Variants in VWC2L observed in about 807,000 individuals in gnomAD.
VWC2L encodes the protein von Willebrand factor C domain containing 2 like, also known as von Willebrand factor C domain-containing protein 2-like.
In VWC2L, 10 loss-of-function variants were observed where a neutral mutation model predicts 21.6. That is an observed-to-expected ratio of 0.46 (90% CI 0.29 to 0.78). The LOEUF (loss-of-function observed/expected upper bound fraction) is 0.78, where lower values mean the gene tolerates loss of function less well. Ranked by LOEUF, VWC2L falls within the 30% of genes least tolerant of loss-of-function variation. The probability of loss-of-function intolerance (pLI) is 0.10; values close to 1 mark genes in which losing one functional copy is unlikely to be tolerated. For synonymous variants in VWC2L, 96 were observed against 94.3 expected (o/e 1.02, Z -0.10); for missense variants, 209 against 277.1 (o/e 0.75, Z 1.74).
chr2:214,514,699 T>C (rs1256675034), intron 3 of VWC2L, among the ~76,000 whole-genome samples: 1 of 152,230 alleles, frequency 6.6e-6, no homozygotes, highest in Non-Finnish European at 1.5e-5. Context: ...AACAGCCCAC[T>C]ATCTAATGAT....
intron 3 of VWC2L, among the ~76,000 whole-genome samples, chr2:214,471,706 T>C (rs536980211): frequency 6.6e-6 from 1 of 152,322 alleles, no homozygotes; most frequent in Admixed American, 6.5e-5. Flanking sequence ...AGTAATAAAC[T>C]CTATTAACAA....
At chr2:214,448,447 CAGA>C (rs975481326) in intron 3 of VWC2L, among the ~76,000 whole-genome samples, 19 of 152,116 alleles carry the variant, frequency 1.2e-4, no homozygotes, top group African/African-American at 4.3e-4. Flanking sequence ...AGGTGCTTCT[CAGA>C]AGATTACTTT....
At chr2:214,498,582 G>T (rs62199327) in intron 3 of VWC2L, among the ~76,000 whole-genome samples, 53,451 of 150,988 alleles carry the variant, frequency 0.35, 10,641 homozygotes, top group South Asian at 0.48. Flanking sequence ...AAAAAAGTGG[G>T]TGAATCTTTT....
At chr2:214,468,205 C>T (rs1415675370) in intron 3 of VWC2L, among the ~76,000 whole-genome samples, 2 of 152,076 alleles carry the variant, frequency 1.3e-5, no homozygotes, top group Admixed American at 6.5e-5. Flanking sequence ...TTATTAAAGA[C>T]GGAGTTTCAC....
At chr2:214,521,280 A>ATCAATCAAT (rs1264716405) in intron 3 of VWC2L, among the ~76,000 whole-genome samples, 1 of 146,970 alleles carries the variant, frequency 6.8e-6, no homozygotes. Flanking sequence ...AATAAATAAA[A>ATCAATCAAT]CTACCAAGTT....
chr2:214,507,995 G>A (rs892697682), intron 3 of VWC2L, among the ~76,000 whole-genome samples: 5 of 151,488 alleles, frequency 3.3e-5, no homozygotes, highest in Admixed American at 3.3e-4. Flanking sequence ...TTTATTTATT[G>A]AGACAGAGTC....
chr2:214,521,135 G>T (rs1259772731), intron 3 of VWC2L, among the ~76,000 whole-genome samples: 2 of 151,936 alleles, frequency 1.3e-5, no homozygotes, highest in Non-Finnish European at 2.9e-5. Flanking sequence ...TGAGGCAGGA[G>T]AATGGTGTGA....
chr2:214,480,740 C>G (rs987483566), intron 3 of VWC2L, among the ~76,000 whole-genome samples: 2 of 151,914 alleles, frequency 1.3e-5, no homozygotes, highest in African/African-American at 4.8e-5. Flanking sequence ...AATAGGCACA[C>G]TCCCTTCCTT....
chr2:214,554,124 CCCACAAGTCT>C (rs58034151), intron 3 of VWC2L, among the ~76,000 whole-genome samples: 6,536 of 152,156 alleles, frequency 0.043, 480 homozygotes, highest in African/African-American at 0.15. Context: ...TCCTTTTCAC[CCCACAAGTCT>C]CCACTCAGTC....
At chr2:214,424,331 G>A (rs1702490428) in intron 2 of VWC2L, among the ~76,000 whole-genome samples, 1 of 152,126 alleles carries the variant, frequency 6.6e-6, no homozygotes, top group Non-Finnish European at 1.5e-5. Flanking sequence ...GAAATGAGCA[G>A]TACACGTTAG....
chr2:214,443,378 A>C (rs1335517955), intron 3 of VWC2L, among the ~76,000 whole-genome samples: 1 of 152,100 alleles, frequency 6.6e-6, no homozygotes, highest in Non-Finnish European at 1.5e-5. Context: ...TCTCAAAAAC[A>C]AAAACAAAAA....
chr2:214,511,725 A>G (rs1359090273), intron 3 of VWC2L, among the ~76,000 whole-genome samples: 2 of 151,994 alleles, frequency 1.3e-5, no homozygotes, highest in East Asian at 3.9e-4. Context: ...TGAAAAATAT[A>G]TATTTCTCCA....
intron 3 of VWC2L, among the ~76,000 whole-genome samples, chr2:214,574,616 G>C (rs901468554): frequency 7.2e-5 from 11 of 152,100 alleles, no homozygotes; most frequent in Non-Finnish European, 1.6e-4. Flanking sequence ...AATAATGCCA[G>C]GTTAATAAAT....
At chr2:214,449,003 T>C (rs1702914384) in intron 3 of VWC2L, among the ~76,000 whole-genome samples, 1 of 152,140 alleles carries the variant, frequency 6.6e-6, no homozygotes, top group South Asian at 2.1e-4. Flanking sequence ...GTTCCCGTCA[T>C]CCAAGGTTTG....
At chr2:214,556,362 G>A (rs948996338) in intron 3 of VWC2L, among the ~76,000 whole-genome samples, 2 of 152,150 alleles carry the variant, frequency 1.3e-5, no homozygotes, top group Non-Finnish European at 2.9e-5. Context: ...GGACTTCAAG[G>A]AGAAAAACAC....
chr2:214,439,503 G>A (rs1702731714), intron 3 of VWC2L, among the ~76,000 whole-genome samples: 1 of 151,822 alleles, frequency 6.6e-6, no homozygotes, highest in African/African-American at 2.4e-5. Flanking sequence ...CCTATAAACA[G>A]TCATAACATT....
At chr2:214,432,088 A>G (rs1259666718) in intron 2 of VWC2L, among the ~76,000 whole-genome samples, 2 of 152,240 alleles carry the variant, frequency 1.3e-5, no homozygotes, top group Non-Finnish European at 2.9e-5. Flanking sequence ...AAATACAAAC[A>G]TCTCATTGAC....
At chr2:214,509,642 C>T (rs1016105873) in intron 3 of VWC2L, among the ~76,000 whole-genome samples, 3 of 152,146 alleles carry the variant, frequency 2.0e-5, no homozygotes, top group South Asian at 2.1e-4. Context: ...TCTTCTCCCA[C>T]CTTCCTGTGT....
intron 3 of VWC2L, among the ~76,000 whole-genome samples, chr2:214,474,063 A>G (rs1185966208): frequency 6.6e-6 from 1 of 152,184 alleles, no homozygotes; most frequent in African/African-American, 2.4e-5. Flanking sequence ...GAAAGAAAGG[A>G]AAGTCTACAG....
Sources: allele counts gnomAD v4.1 joint callset (sites outside exome capture counted in the v4.1 genomes callset), GRCh38; gene constraint gnomAD v4.1.1; transcripts MANE v1.5; gene names NCBI Gene and HGNC (gene_info 2026-07-23, HGNC 2026-07-21).